Variants in DCTN2 observed in about 807,000 individuals in gnomAD.
The protein encoded by DCTN2 is dynactin subunit 2.
Under a neutral mutation model 55.4 loss-of-function variants are expected in DCTN2, and 18 were observed. The ratio of observed to expected loss-of-function variants is 0.32; its 90% CI spans 0.22 to 0.48. The LOEUF (loss-of-function observed/expected upper bound fraction) is 0.48. Among genes scored for constraint, DCTN2 ranks in the 20% least tolerant of loss-of-function variants. The pLI is 0.99. For synonymous variants in DCTN2, 168 were observed against 185.2 expected (o/e 0.91, Z 0.76); for missense variants, 390 against 491.0 (o/e 0.79, Z 1.94).
chr12:57,530,794 GT>G lies in DCTN2; in HGVS notation c.1120-20del, dbSNP rs759390943. On this transcript the variant is annotated intron_variant, in intron 13 of 13. Coordinates refer to ENST00000548249, the MANE Select transcript of DCTN2 (RefSeq NM_001261413.2). ...TCTGCACCTACAAAGTGGTAGAGAGGTTTTACTCTTTGTCAGGTCCAGTTGC... is the reference window on the plus strand; with the variant it reads ...TCTGCACCTACAAAGTGGTAGAGAGGTTTACTCTTTGTCAGGTCCAGTTGC... 1 of 1,601,424 alleles carries G rather than the reference GT, an allele frequency of 6.2e-7. No individual in the cohort carries two copies. The highest frequency in any genetic ancestry group is 8.6e-7 in the Non-Finnish European group (1 of 1,168,818).
intron 7 of DCTN2, 88 bp downstream of exon 7, chr12:57,533,865 C>G: frequency 7.1e-7 from 1 of 1,416,566 alleles, no homozygotes; most frequent in Non-Finnish European, 9.5e-7. Flanking sequence ...AGAAGCCTTC[C>G]CAGCACCCTC....
intron 2 of DCTN2, among the ~76,000 whole-genome samples, chr12:57,536,479 T>C (rs1164684538): frequency 6.6e-6 from 1 of 152,200 alleles, no homozygotes. Flanking sequence ...ATTATCTTTA[T>C]GGGACATCTT....
intron 6 of DCTN2, 74 bp downstream of exon 6, chr12:57,534,218 C>A (rs996376850): frequency 6.6e-7 from 1 of 1,525,684 alleles, no homozygotes; most frequent in Non-Finnish European, 8.8e-7. Context: ...CCACTTAGCA[C>A]CCCTGTCAGT....
At chr12:57,531,969 T>C (rs1215253383) in intron 13 of DCTN2, 46 bp downstream of exon 13, 2 of 1,552,120 alleles carry the variant, frequency 1.3e-6, no homozygotes, top group East Asian at 4.9e-5. Context: ...GAACCTAGTT[T>C]GCACATGCTG....
intron 2 of DCTN2, among the ~76,000 whole-genome samples, chr12:57,538,914 GA>G (rs1880467126): frequency 6.6e-6 from 1 of 152,234 alleles, no homozygotes; most frequent in African/African-American, 2.4e-5. Context: ...GAAGCTATTA[GA>G]AATGGTAGAA....
At chr12:57,537,637 G>A (rs906728961) in intron 2 of DCTN2, among the ~76,000 whole-genome samples, 2 of 151,818 alleles carry the variant, frequency 1.3e-5, no homozygotes, top group African/African-American at 4.8e-5. Flanking sequence ...GAAGAAGGAA[G>A]GAAAGGACAA....
At chr12:57,533,765 C>T (rs1191982487) in intron 7 of DCTN2, among the ~76,000 whole-genome samples, 188 bp downstream of exon 7, 2 of 91,556 alleles carry the variant, frequency 2.2e-5, no homozygotes, top group Admixed American at 1.2e-4. Context: ...TGCAAGACTC[C>T]GTCTCAAAAA....
At chr12:57,531,761 C>A (rs1879735723) in intron 13 of DCTN2, among the ~76,000 whole-genome samples, 2 of 151,780 alleles carry the variant, frequency 1.3e-5, no homozygotes, top group Admixed American at 1.3e-4. Flanking sequence ...TAGCCCCTAA[C>A]AATTTGCCCA....
At chr12:57,534,606 A>C in intron 5 of DCTN2, 154 bp from the exon 6 acceptor site, 12 of 627,402 alleles carry the variant, frequency 1.9e-5, no homozygotes, top group Non-Finnish European at 2.6e-5. Flanking sequence ...CTGCATACAG[A>C]TGGATGCATA....
At position 57,532,982 on chromosome 12, in the gene DCTN2, A is replaced by G; in HGVS notation, c.774+2T>C. ...AAACACTCCAGTTTCTTCCAAACTC[A>G]CCATGAGACAGGCTCCCTGTAGACC... is the stretch of plus-strand genomic sequence containing the variant. On this transcript the variant is annotated splice_donor_variant, in intron 9 of 13. Transcript: ENST00000548249. LOFTEE classifies it high-confidence loss of function. 1.2e-6 allele frequency: 2 copies of G among 1,602,752 alleles called. No homozygotes were observed. Among genetic ancestry groups the G allele is most frequent in the Non-Finnish European group, 1.7e-6 (2 of 1,174,858 alleles).
intron 2 of DCTN2, among the ~76,000 whole-genome samples, chr12:57,536,794 A>G (rs1229348825): frequency 6.6e-6 from 1 of 151,938 alleles, no homozygotes; most frequent in Non-Finnish European, 1.5e-5. Flanking sequence ...TCCTGACTGC[A>G]TGTCCCTTTT....
chr12:57,533,875 C>T (rs1426450381), intron 7 of DCTN2, 78 bp downstream of exon 7: 1 of 1,470,790 alleles, frequency 6.8e-7, no homozygotes, highest in Non-Finnish European at 9.1e-7. Flanking sequence ...CCAGCACCCT[C>T]TCCTTGGAGA....
chr12:57,536,967 G>A (rs1035016291), intron 2 of DCTN2, among the ~76,000 whole-genome samples: 1 of 151,810 alleles, frequency 6.6e-6, no homozygotes, highest in Admixed American at 6.6e-5. Context: ...ACCCCAGGCT[G>A]CATGTTAGAA....
rs1003936855 is a variant in DCTN2, at chr12:57,532,610, G to C, written c.886C>G (p.His296Asp). Residue 296 changes from histidine to aspartate, a missense_variant, in exon 11 of 14, where the codon CAT becomes GAT. By Grantham distance (81) the His-to-Asp change is moderately conservative. This residue lies in a region of DCTN2 where 273 missense variants were observed against 303.2 expected (regional missense o/e 0.90). Coordinates refer to ENST00000548249, the MANE Select transcript of DCTN2 (RefSeq NM_001261413.2). ...VLGKVNEIAKHKASVEDADTQ... is the reference protein window; with the variant it reads ...VLGKVNEIAKDKASVEDADTQ... ...TCTGCATCTTCTACAGAGGCTTTAT[G>C]CTTGGCAATCTCGTTCACCTTTCCC... The C allele has an allele frequency of 1.2e-6, 2 of 1,613,848 alleles. No homozygotes were observed. Among genetic ancestry groups the C allele is most frequent in the Non-Finnish European group, 1.7e-6 (2 of 1,179,892 alleles).
At chr12:57,533,062 T>G (rs780566233) in intron 8 of DCTN2, 40 bp from the exon 9 acceptor site, 2 of 1,574,378 alleles carry the variant, frequency 1.3e-6, no homozygotes, top group Non-Finnish European at 1.7e-6. Context: ...GGTCCTTATA[T>G]CTCCATGATT....
At chr12:57,545,064 A>T (rs1881033780) in intron 2 of DCTN2, among the ~76,000 whole-genome samples, 1 of 152,244 alleles carries the variant, frequency 6.6e-6, no homozygotes, top group African/African-American at 2.4e-5. Flanking sequence ...GCCAGCAGTC[A>T]GCATTCCCCA....
chr12:57,533,826 G>C (rs1273789267), intron 7 of DCTN2, 127 bp downstream of exon 7: 1 of 997,500 alleles, frequency 1.0e-6, no homozygotes, highest in East Asian at 2.6e-5. Context: ...AATCAAAAGA[G>C]GAATCAATCA....
intron 5 of DCTN2, among the ~76,000 whole-genome samples, chr12:57,534,754 G>A (rs1022238375): frequency 2.0e-5 from 3 of 152,088 alleles, no homozygotes; most frequent in East Asian, 1.9e-4. Flanking sequence ...TGCAACCTCC[G>A]CCTCCGAGTT....
chr12:57,539,009 C>A (rs965022388), intron 2 of DCTN2, among the ~76,000 whole-genome samples: 1 of 152,190 alleles, frequency 6.6e-6, no homozygotes, highest in Non-Finnish European at 1.5e-5. Flanking sequence ...CTTCTTAGTT[C>A]ATGGCCCTTG....
Sources: gnomAD v4.1 joint callset for allele counts (sites outside exome capture counted in the v4.1 genomes callset) on GRCh38, gnomAD v4.1.1 for gene constraint, gnomAD v4.1.1 regional missense constraint, MANE v1.5 for transcripts, NCBI Gene and HGNC (gene_info 2026-07-23, HGNC 2026-07-21) for gene names.